Variants in BTBD2 observed in about 807,000 individuals in gnomAD.
The protein encoded by BTBD2 is BTB/POZ domain-containing protein 2.
In BTBD2, 15 loss-of-function variants were observed where a neutral mutation model predicts 44.0. The ratio of observed to expected loss-of-function variants is 0.34; its 90% CI spans 0.23 to 0.53. The LOEUF (loss-of-function observed/expected upper bound fraction) is 0.53. BTBD2 is among the 20% of genes least tolerant of loss of function. The pLI is 0.95. For synonymous variants in BTBD2, 443 were observed against 335.9 expected (o/e 1.32, Z -3.49); for missense variants, 657 against 746.4 (o/e 0.88, Z 1.39).
At chr19:1,996,485 TTG>T (rs910358981) in intron 2 of BTBD2, among the ~76,000 whole-genome samples, 2 of 150,768 alleles carry the variant, frequency 1.3e-5, no homozygotes, top group South Asian at 2.1e-4. Context: ...TTCCTTTTTT[TTG>T]TTGTTGTTGT....
At chr19:1,986,785 G>A (rs1568213262) in intron 8 of BTBD2, 45 bp downstream of exon 8, 3 of 1,574,940 alleles carry the variant, frequency 1.9e-6, no homozygotes, top group Non-Finnish European at 2.6e-6. Context: ...GCTTCAGGAT[G>A]GGCCAGAGAC....
chr19:1,987,416 C>T, intron 6 of BTBD2, 84 bp downstream of exon 6: 1 of 1,311,220 alleles, frequency 7.6e-7, no homozygotes, highest in Non-Finnish European at 1.0e-6. Flanking sequence ...AGTTCTCCAC[C>T]CCCATGCCCG....
chr19:1,992,270 A>AT (rs1030202971), intron 3 of BTBD2, among the ~76,000 whole-genome samples: 10 of 150,924 alleles, frequency 6.6e-5, no homozygotes, highest in African/African-American at 1.5e-4. Flanking sequence ...TTTATGAAAT[A>AT]TTTTTTTTTA....
At chr19:1,998,335 T>C (rs2016279240) in intron 1 of BTBD2, among the ~76,000 whole-genome samples, 1 of 151,988 alleles carries the variant, frequency 6.6e-6, no homozygotes, top group Admixed American at 6.6e-5. Flanking sequence ...CGTGGTCCCA[T>C]CAGGAACGCA....
intron 1 of BTBD2, among the ~76,000 whole-genome samples, chr19:1,998,325 C>T (rs532433141): frequency 5.9e-5 from 9 of 152,284 alleles, no homozygotes; most frequent in East Asian, 3.9e-4. Context: ...GAGAGAGGAG[C>T]GTGGTCCCAT....
rs747440617 is a variant in BTBD2, at chr19:1,997,470, C to T, written c.408-7G>A. 38 of 1,613,758 alleles carry T rather than the reference C, an allele frequency of 2.4e-5. No homozygotes were observed. Among genetic ancestry groups the T allele is most frequent in the South Asian group, 7.7e-5 (7 of 91,090 alleles). On this transcript the variant is annotated splice_polypyrimidine_tract_variant and splice_region_variant and intron_variant, in intron 1 of 8. Transcript: ENST00000255608. ...GCCCACGGCCAGCACGAACCTGGTA[C>T]GGGAGAGAGAAGGCCCTGGTTAAGC...
At chr19:1,990,337 G>A (rs2016157395) in intron 4 of BTBD2, 136 bp from the exon 5 acceptor site, 1 of 895,230 alleles carries the variant, frequency 1.1e-6, no homozygotes, top group Non-Finnish European at 1.7e-6. Flanking sequence ...CTGGCCCTGT[G>A]AGTGTGTTTA....
chr19:2,007,713 C>T (rs1025058862), intron 1 of BTBD2, among the ~76,000 whole-genome samples: 7 of 152,116 alleles, frequency 4.6e-5, no homozygotes, highest in African/African-American at 1.7e-4. Flanking sequence ...GTAATCCCAG[C>T]CACTCGGGAG....
At chr19:2,014,929 T>C (rs2016513610) in intron 1 of BTBD2, among the ~76,000 whole-genome samples, 1 of 142,968 alleles carries the variant, frequency 7.0e-6, no homozygotes, top group South Asian at 2.3e-4. Flanking sequence ...CCTGGTGGGG[T>C]CTGGGGACAG....
intron 1 of BTBD2, among the ~76,000 whole-genome samples, chr19:2,001,867 A>T (rs1040104255): frequency 2.0e-5 from 3 of 151,896 alleles, no homozygotes; most frequent in Non-Finnish European, 4.4e-5. Flanking sequence ...CCTCCCGAGT[A>T]GCTGGGACTA....
At chr19:1,989,211 C>T (rs117023994) in intron 5 of BTBD2, among the ~76,000 whole-genome samples, 3,892 of 152,270 alleles carry the variant, frequency 0.026, 75 homozygotes, top group Admixed American at 0.062. Flanking sequence ...GGTGACATAG[C>T]AAGACCCTGT....
intron 5 of BTBD2, chr19:1,988,649 G>A (rs1599347061): frequency 6.6e-6 from 1 of 151,904 alleles, no homozygotes; most frequent in Admixed American, 6.6e-5. Context: ...TGTCCCCCAG[G>A]CTAGAGTGCA....
At chr19:2,002,360 C>A (rs1200058800) in intron 1 of BTBD2, among the ~76,000 whole-genome samples, 1 of 151,802 alleles carries the variant, frequency 6.6e-6, no homozygotes, top group African/African-American at 2.4e-5. Flanking sequence ...TGATTACAGG[C>A]AAACTGATAA....
At chr19:2,005,346 C>T (rs920040050) in intron 1 of BTBD2, among the ~76,000 whole-genome samples, 2 of 149,816 alleles carry the variant, frequency 1.3e-5, no homozygotes, top group Admixed American at 6.7e-5. Context: ...GGCAGGGTCT[C>T]ACTCTGTCAC....
chr19:1,991,026 G>C (rs1252556953), intron 3 of BTBD2: 1 of 546,314 alleles, frequency 1.8e-6, no homozygotes. Flanking sequence ...GGGCGGGAGA[G>C]TTGGGGAGTT....
intron 1 of BTBD2, chr19:2,013,565 T>C (rs1300843857): frequency 4.2e-5 from 41 of 986,104 alleles, no homozygotes; most frequent in Non-Finnish European, 4.7e-5. Context: ...GAGTCCAGGG[T>C]CCAGAGCCTG....
At chr19:1,997,580 G>C (rs931604312) in intron 1 of BTBD2, 117 bp from the exon 2 acceptor site, 2 of 1,466,068 alleles carry the variant, frequency 1.4e-6, no homozygotes, top group Middle Eastern at 2.2e-4. Flanking sequence ...GCCTCCAGCA[G>C]GCATGTACCA....
chr19:1,998,499 C>G (rs986146366), intron 1 of BTBD2, among the ~76,000 whole-genome samples: 4 of 152,212 alleles, frequency 2.6e-5, no homozygotes, highest in African/African-American at 9.6e-5. Flanking sequence ...GCTGGGGGTT[C>G]TGCCCCGTGT....
rs1335511160 is a variant in BTBD2 at position 1,990,842 on chromosome 19, G to C, written c.685-20C>G. On this transcript the variant is annotated intron_variant, in intron 3 of 8. Transcript: ENST00000255608. Reference sequence around the variant, plus strand: ...TCGCGCCTGGCAAGAGACATCGACGGGGGGCGCGGTGGGGACATCAGCACC... The same window carrying C: ...TCGCGCCTGGCAAGAGACATCGACGCGGGGCGCGGTGGGGACATCAGCACC... The C allele has an allele frequency of 1.3e-6, 2 of 1,541,960 alleles. No individual in the cohort carries two copies. Among genetic ancestry groups the C allele is most frequent in the Middle Eastern group, 2.1e-4 (1 of 4,786 alleles).
Sources: gnomAD v4.1 joint callset for allele counts (sites outside exome capture counted in the v4.1 genomes callset) on GRCh38, gnomAD v4.1.1 for gene constraint, MANE v1.5 for transcripts, NCBI Gene and HGNC (gene_info 2026-07-23, HGNC 2026-07-21) for gene names.